PSMC1: variants seen among roughly 807,000 people sequenced by gnomAD.
PSMC1 encodes proteasome 26S subunit, ATPase 1.
In PSMC1, 5 loss-of-function variants were observed where a neutral mutation model predicts 49.8. The ratio of observed to expected loss-of-function variants is 0.10; its 90% CI spans 0.05 to 0.21. The LOEUF is 0.21. Ranked by LOEUF, PSMC1 falls within the 10% of genes least tolerant of loss-of-function variation. The pLI is 1.00. For missense variants in PSMC1, 181 were observed against 535.7 expected (o/e 0.34, Z 6.54); for synonymous variants, 155 against 192.1 (o/e 0.81, Z 1.60).
At chr14:90,263,090 T>G (rs984986122) in intron 3 of PSMC1, among the ~76,000 whole-genome samples, 1 of 152,216 alleles carries the variant, frequency 6.6e-6, no homozygotes, top group Non-Finnish European at 1.5e-5. Flanking sequence ...GGTGTGTCAT[T>G]TGGGGCTAGC....
At chr14:90,259,424 T>C (rs575728205) in intron 2 of PSMC1, among the ~76,000 whole-genome samples, 1 of 152,218 alleles carries the variant, frequency 6.6e-6, no homozygotes, top group South Asian at 2.1e-4. Context: ...TTATGAGTTA[T>C]TTATTTGTGT....
In PSMC1 at chr14:90,272,183, C is replaced by T. The variant is rs970602954; in HGVS notation, c.1189-90C>T. 1.1e-4 allele frequency: 165 copies of T among 1,465,412 alleles called. No individual in the cohort carries two copies. Among genetic ancestry groups the T allele is most frequent in the Middle Eastern group, 9.9e-4 (4 of 4,030 alleles). 90.8% of individuals were successfully genotyped at this position (1,465,412 alleles called of 1,614,324 possible). On this transcript the variant is annotated intron_variant, in intron 10 of 10. Coordinates refer to ENST00000261303, the MANE Select transcript of PSMC1 (RefSeq NM_002802.3). This position sits in a 1 kb window ranked among gnomAD's most constrained non-coding sequence, Gnocchi z 4.5. The stretch of plus-strand genomic sequence containing the variant: ...TGCTGGGATTACAGGTGTGAGCCAC[C>T]GCGCCTGGCCTCAGAATAGGTTTTT...
chr14:90,260,325 T>A, intron 3 of PSMC1, 114 bp downstream of exon 3: 2 of 718,676 alleles, frequency 2.8e-6, no homozygotes, highest in Non-Finnish European at 4.7e-6. Context: ...ACTGAAGCTC[T>A]AGCTTTGTGA....
Position 90,273,985 on chromosome 14 carries a change from C to A in PSMC1, c.*1578C>A, listed in dbSNP as rs1165247055. Reference sequence around the variant, plus strand: ...TCCCTGTTTTAAAGTTTACAATCTTCTTAATTTTTATCTGCAAAGTTCCTT... The same window carrying A: ...TCCCTGTTTTAAAGTTTACAATCTTATTAATTTTTATCTGCAAAGTTCCTT... On this transcript the variant is annotated 3_prime_UTR_variant, in exon 11 of 11. Transcript: ENST00000261303. 3 of 146,840 alleles carry A rather than the reference C, an allele frequency of 2.0e-5. No individual in the cohort carries two copies. The highest frequency in any genetic ancestry group is 2.2e-4 in the South Asian group (1 of 4,582). The allele number at this position is 146,840 out of a possible 1,614,324, so 9.1% of individuals were successfully genotyped here. A position where few individuals can be genotyped will look rare whatever the true frequency, so the allele number is the denominator to read the frequency against.
At chr14:90,264,326 C>T (rs1891462850) in intron 6 of PSMC1, among the ~76,000 whole-genome samples, 157 bp downstream of exon 6, 1 of 152,192 alleles carries the variant, frequency 6.6e-6, no homozygotes, top group African/African-American at 2.4e-5. Context: ...TTTGTTAATA[C>T]TGAGTTAGGT....
intron 7 of PSMC1, among the ~76,000 whole-genome samples, chr14:90,267,133 CT>C (rs530748596): frequency 0.038 from 5,489 of 142,870 alleles, 276 homozygotes; most frequent in African/African-American, 0.13. Context: ...TTTTTCTTTT[CT>C]TTTTTTTTTT....
intron 9 of PSMC1, chr14:90,269,839 TGATGGTAG>T (rs1484499911): frequency 7.5e-6 from 3 of 399,732 alleles, no homozygotes; most frequent in Non-Finnish European, 1.3e-5. Flanking sequence ...ATAATTCATG[TGATGGTAG>T]GATTTGTCCT....
intron 7 of PSMC1, among the ~76,000 whole-genome samples, chr14:90,265,688 C>CAA (rs35151204): frequency 1.1e-4 from 10 of 94,100 alleles, no homozygotes; most frequent in African/African-American, 3.3e-4. Context: ...GACTACATCT[C>CAA]AAAAAAAAAA....
chr14:90,267,843 AGAC>A, intron 7 of PSMC1: 1 of 182,438 alleles, frequency 5.5e-6, no homozygotes, highest in Non-Finnish European at 1.1e-5. Context: ...AAGGGGCCCA[AGAC>A]AGACTCAACC....
Position 90,272,192 on chromosome 14 carries a change from C to G in PSMC1, c.1189-81C>G. On this transcript the variant is annotated intron_variant, in intron 10 of 10. Coordinates refer to ENST00000261303, the MANE Select transcript of PSMC1 (RefSeq NM_002802.3). This position sits in a 1 kb window ranked among gnomAD's most constrained non-coding sequence, Gnocchi z 4.5. ...TACAGGTGTGAGCCACCGCGCCTGG[C>G]CTCAGAATAGGTTTTTTGGAATTCC... 1 of 1,532,094 alleles carries G rather than the reference C, an allele frequency of 6.5e-7. No individual in the cohort carries two copies. The highest frequency in any genetic ancestry group is 8.8e-7 in the Non-Finnish European group (1 of 1,130,662). 94.9% of individuals were successfully genotyped at this position (1,532,094 alleles called of 1,614,324 possible). A position where few individuals can be genotyped will look rare whatever the true frequency, so the allele number is the denominator to read the frequency against.
chr14:90,259,500 G>A (rs1340690348), intron 2 of PSMC1, among the ~76,000 whole-genome samples: 1 of 152,126 alleles, frequency 6.6e-6, no homozygotes, highest in Non-Finnish European at 1.5e-5. Context: ...AATAGCCTGA[G>A]GTATGAAGAT....
intron 7 of PSMC1, chr14:90,267,830 T>C (rs1274386230): frequency 2.3e-5 from 4 of 175,542 alleles, no homozygotes; most frequent in East Asian, 3.4e-4. Flanking sequence ...GTATGCAACT[T>C]TGAAGGGGCC....
chr14:90,272,504 C>T lies in PSMC1; in HGVS notation c.*97C>T. 3.7e-6 allele frequency: 3 copies of T among 809,126 alleles called. No individual in the cohort carries two copies. Among genetic ancestry groups the T allele is most frequent in the Non-Finnish European group, 5.7e-6 (3 of 522,010 alleles). The allele number at this position is 809,126 out of a possible 1,614,324, so 50.1% of individuals were successfully genotyped here. On this transcript the variant is annotated 3_prime_UTR_variant, in exon 11 of 11. Transcript: ENST00000261303. This position sits in a 1 kb window ranked among gnomAD's most constrained non-coding sequence, Gnocchi z 4.5. ...TTGCCCAGAGGAATCCCTGTTCCCA[C>T]TGATTTTTATTAGCAAAACATCCTG...
At chr14:90,269,909 G>A (rs566286639) in intron 9 of PSMC1, 48 of 391,914 alleles carry the variant, frequency 1.2e-4, no homozygotes, top group African/African-American at 8.6e-4. Flanking sequence ...GCTGTCTTTT[G>A]TAATGTTTTT....
At chr14:90,270,038 C>A in intron 9 of PSMC1, 160 bp from the exon 10 acceptor site, 1 of 714,736 alleles carries the variant, frequency 1.4e-6, no homozygotes, top group Non-Finnish European at 2.2e-6. Flanking sequence ...AATCTACAAA[C>A]TACAAAAATA....
chr14:90,264,215 G>T (rs367682186), intron 6 of PSMC1, 46 bp downstream of exon 6: 135 of 1,606,454 alleles, frequency 8.4e-5, no homozygotes, highest in Non-Finnish European at 1.1e-4. Flanking sequence ...TTTGGTTTCT[G>T]TTGTCCCATT....
At chr14:90,261,744 C>T (rs1012716985) in intron 3 of PSMC1, among the ~76,000 whole-genome samples, 4 of 151,780 alleles carry the variant, frequency 2.6e-5, no homozygotes, top group African/African-American at 4.8e-5. Flanking sequence ...GACAGTGTGG[C>T]GATTCCTCAA....
intron 3 of PSMC1, among the ~76,000 whole-genome samples, chr14:90,262,514 T>G (rs1182955287): frequency 6.6e-6 from 1 of 152,152 alleles, no homozygotes; most frequent in African/African-American, 2.4e-5. Flanking sequence ...CATATTTATC[T>G]GTAAAAATGA....
intron 7 of PSMC1, among the ~76,000 whole-genome samples, chr14:90,265,756 G>A (rs1891496874): frequency 6.6e-6 from 1 of 151,540 alleles, no homozygotes. Context: ...CTATCCAAGA[G>A]GCTGAGGTAG....
Sources: allele counts gnomAD v4.1 joint callset (sites outside exome capture counted in the v4.1 genomes callset), GRCh38; gene constraint gnomAD v4.1.1; non-coding constraint Gnocchi (gnomAD v3.1); transcripts MANE v1.5; gene names NCBI Gene and HGNC (gene_info 2026-07-23, HGNC 2026-07-21).